DDR2: variants seen among roughly 807,000 people sequenced by gnomAD.
DDR2 encodes discoidin domain-containing receptor 2.
A neutral mutation model predicts 94.9 loss-of-function variants in DDR2; 27 were observed. The ratio of observed to expected loss-of-function variants is 0.28; its 90% CI spans 0.21 to 0.39. The LOEUF is 0.39. DDR2 is among the 10% of genes least tolerant of loss of function. DDR2 has a pLI of 1.00. For synonymous variants in DDR2, 382 were observed against 377.2 expected, an observed-to-expected ratio of 1.01 and a Z score of -0.15; for missense variants, 783 against 1,076.0, an observed-to-expected ratio of 0.73 and a Z score of 3.81.
At chr1:162,778,009 A>G (rs887922474) in intron 16 of DDR2, 1 of 159,068 alleles carries the variant, frequency 6.3e-6, no homozygotes, top group Non-Finnish European at 1.4e-5. Context: ...ATGAGACCCC[A>G]TTTCTCAAAG....
chr1:162,784,476 C>T lies in DDR2; in HGVS notation c.*4230C>T, dbSNP rs1013969077. On this transcript the variant is annotated 3_prime_UTR_variant, in exon 18 of 18. Transcript: ENST00000367921. ...TCTTCATCTCCAGGAAGATGCAGAT[C>T]CTTATTTTTGCTGGGAAATCCTTCT... is the stretch of plus-strand genomic sequence containing the variant. 6.6e-6 allele frequency: 1 copy of T among 152,628 alleles called. No individual in the cohort carries two copies. Among genetic ancestry groups the T allele is most frequent in the Non-Finnish European group, 1.5e-5 (1 of 67,590 alleles). The allele number at this position is 152,628 out of a possible 1,614,324, so 9.5% of individuals were successfully genotyped here. A position where few individuals can be genotyped will look rare whatever the true frequency, so the allele number is the denominator to read the frequency against.
intron 3 of DDR2, among the ~76,000 whole-genome samples, chr1:162,724,025 C>T (rs1388520966): frequency 6.6e-6 from 1 of 152,148 alleles, no homozygotes; most frequent in Non-Finnish European, 1.5e-5. Flanking sequence ...TCAGTGAGTT[C>T]TTAGGGTCAG....
At chr1:162,653,215 CA>C (rs1183584233) in intron 1 of DDR2, among the ~76,000 whole-genome samples, 1 of 152,174 alleles carries the variant, frequency 6.6e-6, no homozygotes, top group African/African-American at 2.4e-5. Context: ...GCTTCTACGT[CA>C]GCAAAATTGT....
chr1:162,635,791 A>G (rs1319462843), intron 1 of DDR2, among the ~76,000 whole-genome samples: 1 of 152,214 alleles, frequency 6.6e-6, no homozygotes, highest in Admixed American at 6.5e-5. Context: ...GAGGTTGGAG[A>G]TTGGGAATCA....
At chr1:162,636,377 C>T (rs1323122270) in intron 1 of DDR2, among the ~76,000 whole-genome samples, 3 of 152,276 alleles carry the variant, frequency 2.0e-5, no homozygotes, top group African/African-American at 7.2e-5. Flanking sequence ...AGCTGGGCTT[C>T]TCCTGGAAAT....
intron 3 of DDR2, among the ~76,000 whole-genome samples, chr1:162,739,634 G>C (rs1304926162): frequency 6.6e-6 from 1 of 152,142 alleles, no homozygotes; most frequent in East Asian, 1.9e-4. Flanking sequence ...ATCCACTATT[G>C]ATGGGCACCT....
In DDR2 at chr1:162,731,597, GGCTGA is replaced by G. The variant is rs1340806138; in HGVS notation, c.82+12453_82+12457del. Among the ~76,000 whole-genome samples, 6 of 152,152 alleles carry G rather than the reference GGCTGA, an allele frequency of 3.9e-5. No homozygotes were observed. The East Asian group carries it at 1.2e-3, about 29-fold the overall frequency. On this transcript the variant is annotated intron_variant, in intron 3 of 17. Transcript: ENST00000367921. Reference sequence around the variant, plus strand: ...TGCAATTACTACCATGAAATTGAGAGGCTGAAAGCTTAAGTAACCTTTCTAAGGTC... The same window carrying G: ...TGCAATTACTACCATGAAATTGAGAGAAGCTTAAGTAACCTTTCTAAGGTC...
At chr1:162,645,979 C>A (rs1657386859) in intron 1 of DDR2, among the ~76,000 whole-genome samples, 1 of 152,160 alleles carries the variant, frequency 6.6e-6, no homozygotes, top group African/African-American at 2.4e-5. Context: ...GTCCCCATAG[C>A]ACATCTGCTC....
At chr1:162,738,099 C>T (rs989713002) in intron 3 of DDR2, among the ~76,000 whole-genome samples, 8 of 148,346 alleles carry the variant, frequency 5.4e-5, no homozygotes, top group Admixed American at 1.4e-4. Flanking sequence ...GTTGGAAGTT[C>T]TGGCCAGGGC....
intron 1 of DDR2, among the ~76,000 whole-genome samples, chr1:162,636,592 T>C (rs1656837385): frequency 6.6e-6 from 1 of 152,160 alleles, no homozygotes. Flanking sequence ...AAAGAACATG[T>C]AGTGAGGCTC....
rs572717175 is a variant in DDR2, at chr1:162,637,019, C to G, written c.-192+4388C>G. Among the ~76,000 whole-genome samples, 7 of 151,854 alleles carry G rather than the reference C, an allele frequency of 4.6e-5. No individual in the cohort carries two copies. In the East Asian group the frequency reaches 1.4e-3, roughly 29 times the overall value. On this transcript the variant is annotated intron_variant, in intron 1 of 17. Transcript: ENST00000367921. ...AAAAAATCGCAGGTATATTTTTTAT[C>G]TATTAAAAATATCATAGCATCCTGG...
chr1:162,641,467 G>A (rs1395014506), intron 1 of DDR2, among the ~76,000 whole-genome samples: 1 of 152,136 alleles, frequency 6.6e-6, no homozygotes, highest in Non-Finnish European at 1.5e-5. Flanking sequence ...GGAATCCCTA[G>A]TTCTTTTGGT....
chr1:162,639,194 G>A (rs1031299280), intron 1 of DDR2, among the ~76,000 whole-genome samples: 1 of 152,140 alleles, frequency 6.6e-6, no homozygotes, highest in African/African-American at 2.4e-5. Context: ...CTGCAATATT[G>A]AATGAGAACA....
At chr1:162,692,504 C>A (rs1303774942) in intron 2 of DDR2, among the ~76,000 whole-genome samples, 1 of 152,136 alleles carries the variant, frequency 6.6e-6, no homozygotes, top group East Asian at 1.9e-4. Context: ...GAGACCAGAA[C>A]AGGAACTTCA....
intron 2 of DDR2, among the ~76,000 whole-genome samples, chr1:162,657,484 G>C (rs376934551): frequency 2.6e-5 from 4 of 152,250 alleles, no homozygotes; most frequent in African/African-American, 9.6e-5. Context: ...TAGGTAATCT[G>C]GAACATAAGG....
At chr1:162,771,464 A>G (rs951223103) in intron 12 of DDR2, among the ~76,000 whole-genome samples, 2 of 152,230 alleles carry the variant, frequency 1.3e-5, no homozygotes, top group Admixed American at 6.5e-5. Context: ...TGCTAAATTC[A>G]AGTAATTTCA....
At chr1:162,703,064 A>G (rs978631296) in intron 2 of DDR2, among the ~76,000 whole-genome samples, 3 of 152,200 alleles carry the variant, frequency 2.0e-5, no homozygotes, top group Non-Finnish European at 2.9e-5. Flanking sequence ...TGTGTAAAGG[A>G]AGAAGACTAG....
chr1:162,761,024 G>A (rs749119882), intron 8 of DDR2, among the ~76,000 whole-genome samples, 187 bp from the exon 9 acceptor site: 57 of 151,974 alleles, frequency 3.8e-4, no homozygotes, highest in Non-Finnish European at 1.3e-4. Context: ...TTCTCACCTA[G>A]CCCTGTGAAA....
chr1:162,725,317 CT>C (rs1661607576), intron 3 of DDR2, among the ~76,000 whole-genome samples: 1 of 152,084 alleles, frequency 6.6e-6, no homozygotes, highest in Admixed American at 6.6e-5. Flanking sequence ...TCTTCTACTT[CT>C]TTTTTCTTTA....
Sources: gnomAD v4.1 joint callset for allele counts (sites outside exome capture counted in the v4.1 genomes callset) on GRCh38, gnomAD v4.1.1 for gene constraint, MANE v1.5 for transcripts, NCBI Gene and HGNC (gene_info 2026-07-23, HGNC 2026-07-21) for gene names.